Variants in BBS9 observed in about 807,000 individuals in gnomAD.
BBS9 encodes the protein protein PTHB1.
In BBS9, 89 loss-of-function variants were observed where a neutral mutation model predicts 117.7. The ratio of observed to expected loss-of-function variants is 0.76; its 90% CI spans 0.64 to 0.90. The LOEUF is 0.90. Among genes scored for constraint, BBS9 ranks in the 40% least tolerant of loss-of-function variants. The pLI is 0.00. For missense variants in BBS9, 982 were observed against 1,042.2 expected, an observed-to-expected ratio of 0.94 and a Z score of 0.80; for synonymous variants, 379 against 370.9, an observed-to-expected ratio of 1.02 and a Z score of -0.25.
chr7:33,623,556 G>A (rs1453942074), intron 21 of BBS9, among the ~76,000 whole-genome samples: 1 of 151,284 alleles, frequency 6.6e-6, no homozygotes, highest in Admixed American at 6.6e-5. Context: ...TTGCCCAATA[G>A]GAATTTTGAG....
intron 13 of BBS9, 94 bp from the exon 14 acceptor site, chr7:33,351,125 C>A: frequency 1.3e-6 from 1 of 769,564 alleles, no homozygotes; most frequent in Admixed American, 2.0e-5. Context: ...TATGACAGTA[C>A]CTGGCATGTG....
At chr7:33,322,410 C>T (rs2128585253) in intron 9 of BBS9, among the ~76,000 whole-genome samples, 1 of 98,228 alleles carries the variant, frequency 1.0e-5, no homozygotes, top group Non-Finnish European at 2.0e-5. Context: ...TGGCATCAAT[C>T]TCATTACTTG....
At chr7:33,435,639 T>G (rs1835192501) in intron 19 of BBS9, among the ~76,000 whole-genome samples, 1 of 152,184 alleles carries the variant, frequency 6.6e-6, no homozygotes. Context: ...GCATAGTATG[T>G]GGGTTGGCAA....
chr7:33,518,095 C>T (rs1848065339), intron 20 of BBS9, among the ~76,000 whole-genome samples: 1 of 152,012 alleles, frequency 6.6e-6, no homozygotes, highest in African/African-American at 2.4e-5. Flanking sequence ...ATCTTTCTGT[C>T]ATGAATAACT....
At chr7:33,305,100 C>G (rs1380233982) in intron 9 of BBS9, among the ~76,000 whole-genome samples, 1 of 151,092 alleles carries the variant, frequency 6.6e-6, no homozygotes, top group Non-Finnish European at 1.5e-5. Context: ...GCCACATCCC[C>G]CTCTCCGAGA....
intron 19 of BBS9, among the ~76,000 whole-genome samples, chr7:33,409,871 C>G (rs1830792337): frequency 6.6e-6 from 1 of 152,090 alleles, no homozygotes; most frequent in African/African-American, 2.4e-5. Flanking sequence ...ATGTATTTCC[C>G]TTTTTTTCCC....
intron 17 of BBS9, among the ~76,000 whole-genome samples, chr7:33,371,319 G>A (rs577518184): frequency 1.3e-5 from 2 of 152,134 alleles, no homozygotes; most frequent in Admixed American, 1.3e-4. Context: ...GCCCAAATCA[G>A]TGTGGTCTAA....
chr7:33,209,207 G>T (rs1787551193), intron 5 of BBS9, among the ~76,000 whole-genome samples: 1 of 152,110 alleles, frequency 6.6e-6, no homozygotes. Flanking sequence ...TTGTCTTTCT[G>T]TGACTGGCTT....
intron 19 of BBS9, among the ~76,000 whole-genome samples, chr7:33,412,924 C>A (rs1021395464): frequency 6.6e-6 from 1 of 152,034 alleles, no homozygotes; most frequent in African/African-American, 2.4e-5. Context: ...GCCTTTTATT[C>A]TTAAAATAAA....
chr7:33,251,381 G>C (rs188580487), intron 5 of BBS9, among the ~76,000 whole-genome samples: 1 of 152,108 alleles, frequency 6.6e-6, no homozygotes, highest in Non-Finnish European at 1.5e-5. Flanking sequence ...GACTACTGGG[G>C]TACTAATTGG....
intron 7 of BBS9, 77 bp downstream of exon 7, chr7:33,264,451 G>A: frequency 2.3e-6 from 2 of 879,078 alleles, no homozygotes; most frequent in Non-Finnish European, 3.5e-6. Context: ...AATAATTCAT[G>A]GGAAGAAAAT....
intron 21 of BBS9, among the ~76,000 whole-genome samples, chr7:33,547,865 A>C (rs1022533858): frequency 6.6e-6 from 1 of 152,246 alleles, no homozygotes; most frequent in Non-Finnish European, 1.5e-5. Flanking sequence ...GCTCATTCTT[A>C]TCCAGTGTAA....
chr7:33,242,620 A>G (rs371882922), intron 5 of BBS9, among the ~76,000 whole-genome samples: 6 of 152,258 alleles, frequency 3.9e-5, no homozygotes, highest in African/African-American at 4.8e-5. Flanking sequence ...TCTGAGAATC[A>G]GGGTCTTATA....
At position 33,317,337 on chromosome 7, in the gene BBS9, G is replaced by GT. The variant is rs563605381; in HGVS notation, c.1017-19097dup. ...TTTCAAGGTTGTTTTGCTATTTTGGGTTTTTTTGCATTTTTGTAGAAAGTG... is the reference window on the plus strand; with the variant it reads ...TTTCAAGGTTGTTTTGCTATTTTGGGTTTTTTTTGCATTTTTGTAGAAAGTG... On this transcript the variant is annotated intron_variant, in intron 9 of 22. Coordinates refer to ENST00000242067, the MANE Select transcript of BBS9 (RefSeq NM_198428.3). Among the ~76,000 whole-genome samples the GT allele has an allele frequency of 7.3e-5, 11 of 151,004 alleles. No homozygotes were observed. In the South Asian group the frequency reaches 1.0e-3, roughly 14 times the overall value.
At chr7:33,258,192 T>C (rs551590994) in intron 6 of BBS9, among the ~76,000 whole-genome samples, 13 of 152,354 alleles carry the variant, frequency 8.5e-5, no homozygotes, top group African/African-American at 3.1e-4. Flanking sequence ...AGTAACTTTA[T>C]TGTGTTGTCT....
chr7:33,584,062 G>T (rs965216600), intron 21 of BBS9, among the ~76,000 whole-genome samples: 1 of 151,866 alleles, frequency 6.6e-6, no homozygotes, highest in Non-Finnish European at 1.5e-5. Context: ...TCCTGGCAGA[G>T]GATATAATTT....
At chr7:33,169,497 G>A (rs1796199546) in intron 4 of BBS9, among the ~76,000 whole-genome samples, 1 of 150,214 alleles carries the variant, frequency 6.7e-6, no homozygotes, top group East Asian at 2.0e-4. Flanking sequence ...TTTAATGATT[G>A]CCATTCTAAC....
chr7:33,464,199 A>G (rs374440243), intron 19 of BBS9, among the ~76,000 whole-genome samples: 8 of 152,244 alleles, frequency 5.3e-5, no homozygotes, highest in African/African-American at 4.8e-5. Context: ...TTAACTAAAG[A>G]CAGACATTAT....
intron 12 of BBS9, among the ~76,000 whole-genome samples, chr7:33,345,204 G>A (rs1201450273): frequency 6.6e-6 from 1 of 152,184 alleles, no homozygotes. Flanking sequence ...AGAATATTAA[G>A]GATGTGGTTT....
Sources: gnomAD v4.1 joint callset for allele counts (sites outside exome capture counted in the v4.1 genomes callset) on GRCh38, gnomAD v4.1.1 for gene constraint, MANE v1.5 for transcripts, NCBI Gene and HGNC (gene_info 2026-07-23, HGNC 2026-07-21) for gene names.